Variants in ERC2 observed in about 807,000 individuals in gnomAD.
ERC2 encodes the protein ERC protein 2.
A neutral mutation model predicts 114.8 loss-of-function variants in ERC2; 42 were observed. The observed-to-expected ratio is 0.37, with a 90% confidence interval of 0.29 to 0.47. ERC2 has a LOEUF of 0.47. Ranked by LOEUF, ERC2 falls within the 20% of genes least tolerant of loss-of-function variation. The pLI, the probability that ERC2 is intolerant of heterozygous loss-of-function variation, is 0.99. For missense variants in ERC2, 939 were observed against 1,150.7 expected (o/e 0.82, Z 2.66); for synonymous variants, 454 against 425.5 (o/e 1.07, Z -0.82).
At chr3:56,342,448 C>T (rs57590790) in intron 2 of ERC2, among the ~76,000 whole-genome samples, 2,976 of 152,292 alleles carry the variant, frequency 0.02, 102 homozygotes, top group African/African-American at 0.065. Context: ...CAGACATTTG[C>T]CATATGCCAG....
chr3:56,324,895 C>A (rs2057288881), intron 2 of ERC2, among the ~76,000 whole-genome samples: 1 of 151,456 alleles, frequency 6.6e-6, no homozygotes. Context: ...TGCCTTTGCC[C>A]TTCCCTCTGC....
At chr3:55,790,393 A>T (rs564798743) in intron 14 of ERC2, among the ~76,000 whole-genome samples, 15 of 152,248 alleles carry the variant, frequency 9.9e-5, no homozygotes, top group African/African-American at 3.6e-4. Context: ...TTAAGATCTC[A>T]TTCCCTGCTT....
chr3:56,397,605 T>C (rs1163890856), intron 2 of ERC2, among the ~76,000 whole-genome samples: 1 of 152,212 alleles, frequency 6.6e-6, no homozygotes, highest in Non-Finnish European at 1.5e-5. Flanking sequence ...CTTTCCAATG[T>C]TGCATCTTAT....
chr3:55,760,615 C>T (rs569800366), intron 14 of ERC2, among the ~76,000 whole-genome samples: 1 of 152,226 alleles, frequency 6.6e-6, no homozygotes, highest in African/African-American at 2.4e-5. Context: ...TGGATCACAA[C>T]AGTAGAGAAA....
At chr3:55,731,914 G>T (rs2065272798) in intron 15 of ERC2, among the ~76,000 whole-genome samples, 1 of 152,210 alleles carries the variant, frequency 6.6e-6, no homozygotes, top group South Asian at 2.1e-4. Flanking sequence ...TTCTTAAATG[G>T]TTTTTTTGGC....
At chr3:55,949,438 G>T (rs996670265) in intron 13 of ERC2, among the ~76,000 whole-genome samples, 1 of 151,748 alleles carries the variant, frequency 6.6e-6, no homozygotes, top group Non-Finnish European at 1.5e-5. Context: ...TCCAAATCAA[G>T]CATCAATGTA....
chr3:55,904,371 C>A (rs1271080635), intron 13 of ERC2, among the ~76,000 whole-genome samples: 3 of 152,206 alleles, frequency 2.0e-5, no homozygotes, highest in African/African-American at 7.2e-5. Flanking sequence ...GCCCCCTGAT[C>A]GAAAATACAG....
chr3:55,555,158 G>A (rs914241879), intron 17 of ERC2, among the ~76,000 whole-genome samples: 1 of 151,968 alleles, frequency 6.6e-6, no homozygotes, highest in Non-Finnish European at 1.5e-5. Flanking sequence ...ACCATAAAGG[G>A]CATTTGTTTC....
At chr3:55,606,353 C>T (rs995181681) in intron 17 of ERC2, among the ~76,000 whole-genome samples, 2 of 152,234 alleles carry the variant, frequency 1.3e-5, no homozygotes, top group East Asian at 1.9e-4. Context: ...GTCAACTGGG[C>T]TGGGCTAGGG....
intron 7 of ERC2, among the ~76,000 whole-genome samples, chr3:56,054,139 G>C (rs892336114): frequency 1.3e-5 from 2 of 152,182 alleles, no homozygotes; most frequent in Non-Finnish European, 1.5e-5. Flanking sequence ...TGGAAAAACA[G>C]AGAATGATAT....
rs1052045177 is a variant in ERC2 at position 56,244,980 on chromosome 3, T to C, written c.1074+51039A>G. Among the ~76,000 whole-genome samples, 4 of 152,172 alleles carry C rather than the reference T, an allele frequency of 2.6e-5. 1 individual carries two copies. The highest frequency in any genetic ancestry group is 4.1e-4 in the South Asian group (2 of 4,828). On this transcript the variant is annotated intron_variant, in intron 3 of 17. Transcript: ENST00000288221. ...ATTGTGTTACAGTTGCCTGCAGTAT[T>C]CAGTACAGTCGCTTGCTGTACAGGT... is the stretch of plus-strand genomic sequence containing the variant.
rs540242552 is a variant in ERC2, at chr3:55,729,963, G to A, written c.2712+4808C>T. 2.1e-4 allele frequency among the ~76,000 whole-genome samples: 32 copies of A among 150,408 alleles called. No homozygotes were observed. The South Asian group carries it at 4.0e-3, about 19-fold the overall frequency. ...CAGAGCAGGCAGTCAATGAATACTC[G>A]TTAAGTTGAATTCCAATGTGGCAAA... On this transcript the variant is annotated intron_variant, in intron 15 of 17. Transcript: ENST00000288221.
At chr3:55,574,472 C>T (rs577713727) in intron 17 of ERC2, among the ~76,000 whole-genome samples, 5 of 151,982 alleles carry the variant, frequency 3.3e-5, no homozygotes, top group East Asian at 1.9e-4. Context: ...AGAGGAAGGA[C>T]GTGCCCTATG....
intron 14 of ERC2, among the ~76,000 whole-genome samples, chr3:55,853,540 A>C (rs1437386234): frequency 6.6e-6 from 1 of 152,092 alleles, no homozygotes; most frequent in Non-Finnish European, 1.5e-5. Flanking sequence ...TAAACAAAGA[A>C]AAAAAAAGAA....
chr3:55,573,547 C>G (rs1233569649), intron 17 of ERC2, among the ~76,000 whole-genome samples: 1 of 152,122 alleles, frequency 6.6e-6, no homozygotes, highest in African/African-American at 2.4e-5. Flanking sequence ...AGGCCCTGAT[C>G]AAGGAAAGGC....
chr3:55,749,335 C>T (rs1473433898), intron 14 of ERC2, among the ~76,000 whole-genome samples: 1 of 152,166 alleles, frequency 6.6e-6, no homozygotes, highest in African/African-American at 2.4e-5. Flanking sequence ...CACTGACCAA[C>T]AACAAAGCAC....
chr3:56,188,196 C>T (rs2083752152), intron 3 of ERC2, among the ~76,000 whole-genome samples: 1 of 152,182 alleles, frequency 6.6e-6, no homozygotes, highest in Admixed American at 6.5e-5. Context: ...TTTTGAGTCC[C>T]AGAGTCTAAA....
chr3:55,978,681 T>C (rs772958424), intron 12 of ERC2, among the ~76,000 whole-genome samples: 1 of 152,188 alleles, frequency 6.6e-6, no homozygotes, highest in South Asian at 2.1e-4. Flanking sequence ...ATAATATAAT[T>C]GTCTCCACTT....
At chr3:55,875,263 C>G (rs1408056058) in intron 14 of ERC2, among the ~76,000 whole-genome samples, 1 of 152,180 alleles carries the variant, frequency 6.6e-6, no homozygotes, top group Admixed American at 6.5e-5. Flanking sequence ...GCTCAGTGAA[C>G]TGAACACAAA....
Sources: gnomAD v4.1 joint callset for allele counts (sites outside exome capture counted in the v4.1 genomes callset) on GRCh38, gnomAD v4.1.1 for gene constraint, MANE v1.5 for transcripts, NCBI Gene and HGNC (gene_info 2026-07-23, HGNC 2026-07-21) for gene names.